Variants in PDE1C observed in about 807,000 individuals in gnomAD.
PDE1C encodes phosphodiesterase 1C.
Under a neutral mutation model 93.1 loss-of-function variants are expected in PDE1C, and 62 were observed. The observed-to-expected ratio is 0.67, with a 90% confidence interval of 0.54 to 0.82. The LOEUF is 0.82. PDE1C is among the 40% of genes least tolerant of loss of function. The pLI is 0.00. For synonymous variants in PDE1C, 325 were observed against 310.1 expected, an observed-to-expected ratio of 1.05 and a Z score of -0.50; for missense variants, 742 against 884.6, an observed-to-expected ratio of 0.84 and a Z score of 2.04.
intron 6 of PDE1C, among the ~76,000 whole-genome samples, chr7:31,868,934 T>C (rs1322358964): frequency 6.6e-6 from 1 of 150,914 alleles, no homozygotes; most frequent in Non-Finnish European, 1.5e-5. Context: ...GGATGCTATA[T>C]TGAGCAAAGG....
chr7:32,083,927 G>C (rs4299896), intron 3 of PDE1C, among the ~76,000 whole-genome samples: 1 of 148,818 alleles, frequency 6.7e-6, no homozygotes, highest in African/African-American at 2.5e-5. Flanking sequence ...TCGAGACTAG[G>C]AAGAAACTAC....
intron 16 of PDE1C, among the ~76,000 whole-genome samples, chr7:31,803,969 C>T (rs1562828139): frequency 1.3e-5 from 2 of 151,920 alleles, no homozygotes; most frequent in South Asian, 2.1e-4. Flanking sequence ...TAAGGAATTG[C>T]CACACTGACT....
intron 3 of PDE1C, among the ~76,000 whole-genome samples, chr7:32,141,810 TG>T (rs111307405): frequency 0.2 from 30,769 of 152,170 alleles, 3,751 homozygotes; most frequent in Middle Eastern, 0.3. Flanking sequence ...TTTCTTGTTT[TG>T]ACAAAGATAC....
At chr7:32,409,552 T>TA (rs1347727415) in intron 1 of PDE1C, among the ~76,000 whole-genome samples, 2 of 151,762 alleles carry the variant, frequency 1.3e-5, no homozygotes, top group East Asian at 1.9e-4. Flanking sequence ...TAAAGTAATT[T>TA]AAAAAAAATC....
rs771805207 is a variant in PDE1C at position 31,873,272 on chromosome 7, C to T, written c.609+20G>A. The T allele has an allele frequency of 2.1e-6, 3 of 1,417,278 alleles. No homozygotes were observed. The highest frequency in any genetic ancestry group is 2.3e-5 in the East Asian group (1 of 43,622). The allele number at this position is 1,417,278 out of a possible 1,614,324, so 87.8% of individuals were successfully genotyped here. The stretch of plus-strand genomic sequence containing the variant: ...TATGCATGTAGTTTATTTATTTTTT[C>T]TTTTTAAAGAGGTACTGACCTTGAA... On this transcript the variant is annotated intron_variant, in intron 6 of 17. Coordinates refer to ENST00000396191, the MANE Select transcript of PDE1C (RefSeq NM_001191057.4).
chr7:31,829,763 C>G (rs953851397), intron 11 of PDE1C, among the ~76,000 whole-genome samples: 17 of 152,116 alleles, frequency 1.1e-4, no homozygotes, highest in African/African-American at 4.1e-4. Flanking sequence ...CTACTGAAAA[C>G]TGCTCTCTCA....
chr7:31,671,634 C>T, the PDE1C span, among the ~76,000 whole-genome samples: 3 of 152,270 alleles, frequency 2.0e-5, no homozygotes, highest in East Asian at 1.9e-4. Flanking sequence ...ACACTATGCT[C>T]AGGCTAGGGG....
the PDE1C span, among the ~76,000 whole-genome samples, chr7:31,699,209 C>T: frequency 6.6e-6 from 1 of 152,268 alleles, no homozygotes; most frequent in African/African-American, 2.4e-5. Flanking sequence ...CTTCCCTGGG[C>T]AGGATCTGTT....
intron 1 of PDE1C, among the ~76,000 whole-genome samples, chr7:32,235,936 G>C (rs1411345089): frequency 1.3e-5 from 2 of 151,972 alleles, no homozygotes; most frequent in Non-Finnish European, 2.9e-5. Flanking sequence ...TATTAACAAA[G>C]GGACAGACAA....
At chr7:32,154,941 T>C (rs1039304431) in intron 3 of PDE1C, among the ~76,000 whole-genome samples, 1 of 152,228 alleles carries the variant, frequency 6.6e-6, no homozygotes, top group Non-Finnish European at 1.5e-5. Flanking sequence ...GAGCAATCTA[T>C]GGCAGGAGGC....
chr7:31,996,066 GACACACACAC>G lies in PDE1C; in HGVS notation c.128+55478_128+55487del, dbSNP rs3078631. 3.1e-3 allele frequency among the ~76,000 whole-genome samples: 435 copies of G among 138,642 alleles called. 3 individuals carry two copies. The highest frequency in any genetic ancestry group is 0.01 in the African/African-American group (377 of 37,066). 91.0% of individuals were successfully genotyped at this position (138,642 alleles called of 152,430 possible). ...AACCATCTGTCTCTTTACGCTTCCG[GACACACACAC>G]ACACACACACACACACACACACACA... On this transcript the variant is annotated intron_variant, in intron 2 of 17. Transcript: ENST00000396191.
chr7:32,013,667 C>T lies in PDE1C; in HGVS notation c.128+37887G>A, dbSNP rs575750570. ...GAAAGGAACAGGCTATGACCTAATG[C>T]TTGCTTGGACTGGTATAAGCACGCC... On this transcript the variant is annotated intron_variant, in intron 2 of 17. Coordinates refer to ENST00000396191, the MANE Select transcript of PDE1C (RefSeq NM_001191057.4). Among the ~76,000 whole-genome samples, 3 of 152,320 alleles carry T rather than the reference C, an allele frequency of 2.0e-5. No homozygotes were observed. The South Asian group carries it at 6.2e-4, about 32-fold the overall frequency.
chr7:32,295,620 A>G (rs900542795), intron 1 of PDE1C, among the ~76,000 whole-genome samples: 1 of 152,198 alleles, frequency 6.6e-6, no homozygotes, highest in African/African-American at 2.4e-5. Flanking sequence ...GGTCAGGCGC[A>G]GTGGCTCACG....
intron 16 of PDE1C, among the ~76,000 whole-genome samples, chr7:31,776,970 G>T (rs1321730465): frequency 7.8e-6 from 1 of 128,558 alleles, no homozygotes; most frequent in East Asian, 2.5e-4. Context: ...CACTGATAAA[G>T]ATAACAAAAG....
chr7:31,878,613 C>T (rs1361761238), intron 4 of PDE1C, among the ~76,000 whole-genome samples: 2 of 152,132 alleles, frequency 1.3e-5, no homozygotes, highest in Non-Finnish European at 2.9e-5. Flanking sequence ...TTGGGGACTT[C>T]AAACCACTGA....
intron 1 of PDE1C, among the ~76,000 whole-genome samples, chr7:32,307,570 T>C (rs769354722): frequency 6.6e-6 from 1 of 151,944 alleles, no homozygotes; most frequent in Non-Finnish European, 1.5e-5. Flanking sequence ...TTTCACTCAA[T>C]CTGACCACCA....
intron 11 of PDE1C, among the ~76,000 whole-genome samples, chr7:31,835,914 T>G (rs1791037423): frequency 6.6e-6 from 1 of 152,142 alleles, no homozygotes. Context: ...GAGTAAGAAT[T>G]ATCACAATCT....
intron 2 of PDE1C, among the ~76,000 whole-genome samples, chr7:32,187,773 C>A (rs1270253627): frequency 1.3e-5 from 2 of 150,212 alleles, no homozygotes; most frequent in African/African-American, 5.0e-5. Flanking sequence ...AATCAAAAAT[C>A]TGGTCATTTT....
At chr7:32,420,367 GTATATATATGTGTATA>G in intron 1 of PDE1C, among the ~76,000 whole-genome samples, 1 of 6,004 alleles carries the variant, frequency 1.7e-4, no homozygotes. Flanking sequence ...ATATATATGT[GTATATATATGTGTATA>G]TATATATATA....
Sources: gnomAD v4.1 joint callset for allele counts (sites outside exome capture counted in the v4.1 genomes callset) on GRCh38, gnomAD v4.1.1 for gene constraint, MANE v1.5 for transcripts, NCBI Gene and HGNC (gene_info 2026-07-23, HGNC 2026-07-21) for gene names.